Variants in ARFGEF1 observed in about 807,000 individuals in gnomAD.
The protein encoded by ARFGEF1 is brefeldin A-inhibited guanine nucleotide-exchange protein 1.
Under a neutral mutation model 231.0 loss-of-function variants are expected in ARFGEF1, and 42 were observed. The ratio of observed to expected loss-of-function variants is 0.18; its 90% CI spans 0.14 to 0.24. The LOEUF (loss-of-function observed/expected upper bound fraction) is 0.24, where lower values mean the gene tolerates loss of function less well. ARFGEF1 is among the 10% of genes least tolerant of loss of function. The pLI is 1.00. For missense variants in ARFGEF1, 1,345 were observed against 2,192.0 expected (o/e 0.61, Z 7.72); for synonymous variants, 710 against 732.3 (o/e 0.97, Z 0.49).
chr8:67,306,168 G>A (rs1806735661), intron 1 of ARFGEF1, among the ~76,000 whole-genome samples: 1 of 152,298 alleles, frequency 6.6e-6, no homozygotes, highest in African/African-American at 2.4e-5. Flanking sequence ...GGGGTATTAA[G>A]TAAAATAAGA....
intron 29 of ARFGEF1, among the ~76,000 whole-genome samples, chr8:67,222,380 C>T (rs542858376): frequency 6.6e-6 from 1 of 151,118 alleles, no homozygotes; most frequent in East Asian, 2.0e-4. Flanking sequence ...ATTCTCATGC[C>T]TCACCTTCCC....
At chr8:67,191,268 T>G (rs1455799242) in intron 5 of ARFGEF1, among the ~76,000 whole-genome samples, 2 of 152,212 alleles carry the variant, frequency 1.3e-5, no homozygotes, top group African/African-American at 4.8e-5. Context: ...CACCTCCTTG[T>G]TGAGTAGGCA....
chr8:67,327,629 A>C (rs1807897229), intron 1 of ARFGEF1, among the ~76,000 whole-genome samples: 1 of 152,106 alleles, frequency 6.6e-6, no homozygotes. Flanking sequence ...CCAATGACAT[A>C]CTTCTAACCA....
chr8:67,340,482 G>A (rs1050196756), intron 1 of ARFGEF1, among the ~76,000 whole-genome samples: 2 of 152,216 alleles, frequency 1.3e-5, no homozygotes, highest in African/African-American at 4.8e-5. Context: ...TAGTGAAGTG[G>A]AGAAGATAAG....
intron 9 of ARFGEF1, among the ~76,000 whole-genome samples, chr8:67,273,829 C>G (rs1805201849): frequency 6.6e-6 from 1 of 152,136 alleles, no homozygotes; most frequent in Admixed American, 6.5e-5. Flanking sequence ...AACCCACCAC[C>G]TCCCCTCCTG....
At chr8:67,319,998 A>G (rs1051182900) in intron 1 of ARFGEF1, among the ~76,000 whole-genome samples, 7 of 152,054 alleles carry the variant, frequency 4.6e-5, no homozygotes, top group African/African-American at 1.7e-4. Flanking sequence ...AGGCGGGTGG[A>G]TCACCTGAGG....
intron 1 of ARFGEF1, among the ~76,000 whole-genome samples, chr8:67,341,404 TAG>T (rs1808619413): frequency 7.8e-6 from 1 of 128,382 alleles, no homozygotes; most frequent in South Asian, 2.4e-4. Flanking sequence ...CTGGGCGATA[TAG>T]AGAGACCGCC....
chr8:67,227,139 A>G lies in ARFGEF1; in HGVS notation c.3914T>C (p.Val1305Ala), dbSNP rs1839402524. Residue 1305 changes from valine (V) to alanine (A), a missense_variant and splice_region_variant, in exon 27 of 39, where the codon GTC (valine) becomes GCC (alanine). Val to Ala is a moderately conservative substitution (Grantham distance 64). This residue lies in a region of ARFGEF1 where 142 missense variants were observed against 227.3 expected (regional missense o/e 0.62). Coordinates refer to ENST00000262215, the MANE Select transcript of ARFGEF1 (RefSeq NM_006421.5). ...ELAFQTTGHI[V>A]TLVFEKHFPA... ...AACACAGCTAAGAGAATACTCACTG[A>G]CAATGTGCCCGGTTGTTTGGAATGC... 1 of 1,611,130 alleles carries G rather than the reference A, an allele frequency of 6.2e-7. No individual in the cohort carries two copies. The highest frequency in any genetic ancestry group is 8.5e-7 in the Non-Finnish European group (1 of 1,178,338).
At chr8:67,209,913 G>A (rs761430615) in intron 34 of ARFGEF1, among the ~76,000 whole-genome samples, 2 of 152,026 alleles carry the variant, frequency 1.3e-5, no homozygotes, top group African/African-American at 2.4e-5. Context: ...AGCACTTTGG[G>A]AGGCCAAGCC....
chr8:67,335,096 G>A (rs377120856), intron 1 of ARFGEF1, among the ~76,000 whole-genome samples: 20 of 150,854 alleles, frequency 1.3e-4, no homozygotes, highest in South Asian at 4.2e-4. Context: ...AGAGTATCAC[G>A]GTAAATTTTT....
intron 5 of ARFGEF1, chr8:67,179,835 A>T: frequency 6.7e-7 from 1 of 1,500,318 alleles, no homozygotes; most frequent in Non-Finnish European, 9.2e-7. Context: ...AACTAATAAA[A>T]ATAGTCATTG....
At chr8:67,330,926 A>T (rs1808070194) in intron 1 of ARFGEF1, among the ~76,000 whole-genome samples, 1 of 152,122 alleles carries the variant, frequency 6.6e-6, no homozygotes, top group South Asian at 2.1e-4. Context: ...CTTCCCAACT[A>T]TAACACTTTT....
chr8:67,198,109 G>A lies in ARFGEF1; in HGVS notation c.*825C>T, dbSNP rs1838160272. On this transcript the variant is annotated 3_prime_UTR_variant, in exon 39 of 39. Transcript: ENST00000262215. The stretch of plus-strand genomic sequence containing the variant: ...TGGCTCATCTTTAAAAGTCCTAAGA[G>A]AAATATGTGACAGGTAGTTACTGTC... The A allele has an allele frequency of 3.0e-6, 3 of 985,676 alleles. No homozygotes were observed. Among genetic ancestry groups the A allele is most frequent in the South Asian group, 9.4e-5 (2 of 21,294 alleles). 61.1% of individuals were successfully genotyped at this position (985,676 alleles called of 1,614,324 possible).
At chr8:67,201,387 C>T in intron 37 of ARFGEF1, 80 bp downstream of exon 37, 4 of 1,502,602 alleles carry the variant, frequency 2.7e-6, no homozygotes, top group Non-Finnish European at 3.6e-6. Flanking sequence ...CAGCTGTCAG[C>T]ATGGTCCCGC....
intron 5 of ARFGEF1, among the ~76,000 whole-genome samples, chr8:67,177,022 G>T (rs1034188273): frequency 8.9e-5 from 12 of 134,650 alleles, no homozygotes; most frequent in Non-Finnish European, 6.1e-5. Flanking sequence ...AGAGAGCCAA[G>T]ATCGTGCCAC....
intron 19 of ARFGEF1, among the ~76,000 whole-genome samples, chr8:67,250,706 AGACACT>A (rs1840256130): frequency 6.6e-6 from 1 of 152,186 alleles, no homozygotes; most frequent in Non-Finnish European, 1.5e-5. Context: ...AAACTTAACT[AGACACT>A]ACTCCACTTT....
Position 67,314,768 on chromosome 8 carries a change from C to T in ARFGEF1, c.125-12302G>A, listed in dbSNP as rs756330424. On this transcript the variant is annotated intron_variant, in intron 1 of 38. Transcript: ENST00000262215. ...GCAAGCCTCCACATGCTGCTCTGTC[C>T]GGAGCTGCAATCTAATCTGGCCTCC... 4.6e-5 allele frequency among the ~76,000 whole-genome samples: 7 copies of T among 152,156 alleles called. No individual in the cohort carries two copies. In the South Asian group the frequency reaches 8.3e-4, roughly 18 times the overall value.
intron 14 of ARFGEF1, among the ~76,000 whole-genome samples, chr8:67,265,237 G>A (rs970623719): frequency 2.0e-5 from 3 of 152,082 alleles, no homozygotes; most frequent in Admixed American, 1.3e-4. Context: ...TATTAACACT[G>A]GAGAAAAAAG....
chr8:67,311,758 C>G (rs554321896), intron 1 of ARFGEF1, among the ~76,000 whole-genome samples: 3 of 152,128 alleles, frequency 2.0e-5, no homozygotes, highest in African/African-American at 7.2e-5. Context: ...TCATTGAGAA[C>G]GGGCCAGGAT....
Sources: gnomAD v4.1 joint callset for allele counts (sites outside exome capture counted in the v4.1 genomes callset) on GRCh38, gnomAD v4.1.1 for gene constraint, gnomAD v4.1.1 regional missense constraint, MANE v1.5 for transcripts, NCBI Gene and HGNC (gene_info 2026-07-23, HGNC 2026-07-21) for gene names.